GAS2: variants seen among roughly 807,000 people sequenced by gnomAD.
The protein encoded by GAS2 is growth arrest-specific protein 2.
Under a neutral mutation model 37.5 loss-of-function variants are expected in GAS2, and 20 were observed. That is an observed-to-expected ratio of 0.53 (90% CI 0.37 to 0.77). The LOEUF is 0.77. GAS2 is among the 30% of genes least tolerant of loss of function. The pLI is 0.00. For synonymous variants in GAS2, 144 were observed against 132.2 expected (o/e 1.09, Z -0.61); for missense variants, 336 against 373.4 (o/e 0.90, Z 0.82).
intron 7 of GAS2, among the ~76,000 whole-genome samples, chr11:22,800,441 G>A (rs541414513): frequency 6.6e-6 from 1 of 152,162 alleles, no homozygotes; most frequent in East Asian, 1.9e-4. Context: ...GCCCTCACAG[G>A]TTTTTAAGAA....
chr11:22,671,571 C>T (rs1849201681), intron 1 of GAS2, among the ~76,000 whole-genome samples: 1 of 151,982 alleles, frequency 6.6e-6, no homozygotes, highest in African/African-American at 2.4e-5. Flanking sequence ...ACTTTATTTC[C>T]CACCTTTTTA....
At chr11:22,753,390 G>A (rs1007480776) in intron 6 of GAS2, among the ~76,000 whole-genome samples, 1 of 152,092 alleles carries the variant, frequency 6.6e-6, no homozygotes, top group Non-Finnish European at 1.5e-5. Context: ...CATTTGAGAA[G>A]GGCAGGCCAC....
At chr11:22,638,627 T>C (rs1415221501) in intron 1 of GAS2, among the ~76,000 whole-genome samples, 1 of 152,164 alleles carries the variant, frequency 6.6e-6, no homozygotes, top group Admixed American at 6.5e-5. Context: ...ATTACAGGCA[T>C]GAGCCGTTGC....
At chr11:22,672,582 GGGTGTA>G (rs1849248047) in intron 1 of GAS2, 1 of 152,178 alleles carries the variant, frequency 6.6e-6, no homozygotes, top group Non-Finnish European at 1.5e-5. Flanking sequence ...GCACATAATA[GGGTGTA>G]GGTAAAGTTA....
chr11:22,660,030 C>T (rs532560571), intron 1 of GAS2, among the ~76,000 whole-genome samples: 8 of 152,282 alleles, frequency 5.3e-5, no homozygotes, highest in African/African-American at 1.9e-4. Flanking sequence ...ATGTTCAAAT[C>T]AGTCAGACTC....
chr11:22,710,237 A>G (rs1240234752), intron 3 of GAS2, among the ~76,000 whole-genome samples: 1 of 152,166 alleles, frequency 6.6e-6, no homozygotes, highest in Non-Finnish European at 1.5e-5. Context: ...TTGTTTAGTA[A>G]TCTGTGAGCC....
chr11:22,755,759 G>C, intron 6 of GAS2, 87 bp from the exon 7 acceptor site: 3 of 816,622 alleles, frequency 3.7e-6, no homozygotes, highest in Non-Finnish European at 6.1e-6. Flanking sequence ...AGTCATTAAG[G>C]GTTCAGGGGC....
intron 2 of GAS2, 150 bp downstream of exon 2, chr11:22,675,164 G>A (rs1849366962): frequency 2.6e-6 from 2 of 777,324 alleles, no homozygotes; most frequent in African/African-American, 1.8e-5. Context: ...CCTGAAGCAG[G>A]TGGAAAATTT....
At chr11:22,674,664 T>C in intron 1 of GAS2, 186 bp from the exon 2 acceptor site, 1 of 371,128 alleles carries the variant, frequency 2.7e-6, no homozygotes. Flanking sequence ...GTTTTCCTAC[T>C]AAGTGTTTGG....
intron 1 of GAS2, among the ~76,000 whole-genome samples, chr11:22,645,481 C>T (rs969927446): frequency 2.4e-4 from 36 of 151,850 alleles, no homozygotes; most frequent in South Asian, 1.2e-3. Flanking sequence ...CACTCCAGCC[C>T]GGGTGACAGA....
chr11:22,696,890 G>C (rs1299216820), intron 3 of GAS2, among the ~76,000 whole-genome samples: 25 of 148,878 alleles, frequency 1.7e-4, no homozygotes, highest in African/African-American at 5.7e-4. Context: ...CCATTTTGTA[G>C]GTTGCCTGTT....
intron 4 of GAS2, among the ~76,000 whole-genome samples, chr11:22,729,396 C>T (rs1054237856): frequency 1.6e-4 from 25 of 151,760 alleles, no homozygotes; most frequent in South Asian, 4.1e-4. Flanking sequence ...GGTGTGCAAG[C>T]GATGAACTGG....
chr11:22,760,931 C>G (rs1854360102), intron 7 of GAS2, among the ~76,000 whole-genome samples: 1 of 152,154 alleles, frequency 6.6e-6, no homozygotes, highest in African/African-American at 2.4e-5. Context: ...CGCCCTTTTG[C>G]TGAGCTTCCT....
intron 3 of GAS2, among the ~76,000 whole-genome samples, chr11:22,717,895 G>T (rs1851756985): frequency 6.6e-6 from 1 of 152,112 alleles, no homozygotes; most frequent in African/African-American, 2.4e-5. Flanking sequence ...AATTATCAGG[G>T]AAATGCAAAT....
intron 5 of GAS2, among the ~76,000 whole-genome samples, chr11:22,746,345 A>G (rs529954578): frequency 6.6e-6 from 1 of 152,296 alleles, no homozygotes; most frequent in South Asian, 2.1e-4. Flanking sequence ...TCAACCCATC[A>G]ATCGCGTTAC....
intron 3 of GAS2, among the ~76,000 whole-genome samples, chr11:22,691,383 A>G (rs1469422728): frequency 6.6e-6 from 1 of 152,206 alleles, no homozygotes; most frequent in Non-Finnish European, 1.5e-5. Flanking sequence ...AGAAAAATCA[A>G]TAGCACTTTT....
intron 2 of GAS2, among the ~76,000 whole-genome samples, chr11:22,678,232 T>C (rs1447684388): frequency 6.6e-6 from 1 of 152,112 alleles, no homozygotes; most frequent in African/African-American, 2.4e-5. Context: ...GAAAAATGCA[T>C]TGTGTGCTAG....
intron 6 of GAS2, among the ~76,000 whole-genome samples, chr11:22,750,661 ATAT>A (rs1289541599): frequency 6.6e-6 from 1 of 152,058 alleles, no homozygotes; most frequent in Non-Finnish European, 1.5e-5. Context: ...GAGTAACATT[ATAT>A]TATTAGTAGA....
chr11:22,710,005 A>G (rs1301329335), intron 3 of GAS2, among the ~76,000 whole-genome samples: 1 of 119,464 alleles, frequency 8.4e-6, no homozygotes, highest in African/African-American at 3.2e-5. Flanking sequence ...CACTCTGGGG[A>G]CTGTTGTGGG....
Sources: allele counts gnomAD v4.1 joint callset (sites outside exome capture counted in the v4.1 genomes callset), GRCh38; gene constraint gnomAD v4.1.1; transcripts MANE v1.5; gene names NCBI Gene and HGNC (gene_info 2026-07-23, HGNC 2026-07-21).